The following GPR85 variants were observed in gnomAD, a reference collection of about 807,000 sequenced individuals.
The protein encoded by GPR85 is G protein-coupled receptor 85.
Under a neutral mutation model 21.3 loss-of-function variants are expected in GPR85, and 7 were observed. The ratio of observed to expected loss-of-function variants is 0.33; its 90% confidence interval spans 0.19 to 0.62. GPR85 has a LOEUF of 0.62. GPR85 is among the 20% of genes least tolerant of loss of function. The probability of loss-of-function intolerance (pLI) is 0.80; values close to 1 mark genes in which losing one functional copy is unlikely to be tolerated. For synonymous variants in GPR85, 167 were observed against 166.1 expected (o/e 1.01, Z -0.04); for missense variants, 299 against 443.8 (o/e 0.67, Z 2.93).
upstream of GPR85, chr7:113,087,296 C>A (rs1314608010): frequency 6.5e-6 from 1 of 153,764 alleles, no homozygotes; most frequent in African/African-American, 2.4e-5. Flanking sequence ...CCCCACCAAG[C>A]AACAGTATTC....
At chr7:113,086,167 T>TATACACAC (rs879023365) in intron 1 of GPR85, 58 bp from the exon 2 acceptor site, 1 of 125,734 alleles carries the variant, frequency 8.0e-6, no homozygotes, top group African/African-American at 3.1e-5. Context: ...ACAAAACACA[T>TATACACAC]ACACACACAC....
chr7:113,085,714 A>G (rs1036684094), intron 2 of GPR85, among the ~76,000 whole-genome samples: 2 of 152,176 alleles, frequency 1.3e-5, no homozygotes, highest in African/African-American at 2.4e-5. Context: ...AACAAAATGC[A>G]CATTGTCTCG....
rs944092014 is a variant in GPR85, at chr7:113,086,758, T to TG, written c.-726dup. ...AACTTTTCCCTCCCCGCATTTGTAG[T>TG]GGGGGGCTGGAAAGGCCCTTTCAGG... On this transcript the variant is annotated 5_prime_UTR_variant, in exon 1 of 3. Coordinates refer to ENST00000424100, the MANE Select transcript of GPR85 (RefSeq NM_001146267.2). Among the ~76,000 whole-genome samples the TG allele has an allele frequency of 6.6e-6, 1 of 152,118 alleles. No homozygotes were observed. Among genetic ancestry groups the TG allele is most frequent in the Admixed American group, 6.5e-5 (1 of 15,272 alleles).
upstream of GPR85, among the ~76,000 whole-genome samples, chr7:113,087,092 G>A (rs1794326767): frequency 6.6e-6 from 1 of 152,122 alleles, no homozygotes; most frequent in South Asian, 2.1e-4. Flanking sequence ...TGGGGAAGAA[G>A]GGAAGGCACG....
Position 113,083,992 on chromosome 7 carries a change from G to A in GPR85, c.730C>T (p.Leu244=). The change falls in exon 3 of 3, where the codon CTA becomes TTA. Residue 244 remains leucine (L), a synonymous_variant. Coordinates refer to ENST00000424100, the MANE Select transcript of GPR85 (RefSeq NM_001146267.2). This position sits in a 1 kb window ranked among gnomAD's most constrained non-coding sequence, Gnocchi z 4.4. ...GTGGGACCCCTTCCAAATCCTGCTA[G>A]CCAATTGGCAGCTGCCTGGCCACTG... The part of the protein sequence containing the change: ...GASGQAAANW[L]AGFGRGPTPP... 1.2e-6 allele frequency: 2 copies of A among 1,614,168 alleles called. No homozygotes were observed. The highest frequency in any genetic ancestry group is 1.3e-5 in the African/African-American group (1 of 75,028).
At chr7:113,087,066 T>C (rs1584560857), upstream of GPR85, among the ~76,000 whole-genome samples, 1 of 152,150 alleles carries the variant, frequency 6.6e-6, no homozygotes, top group East Asian at 1.9e-4. Context: ...TTTCCCACAG[T>C]TAAAAATCTT....
At position 113,084,824 on chromosome 7, in the gene GPR85, CAA is replaced by C; in HGVS notation, c.-105_-104del. 1 of 759,460 alleles carries C rather than the reference CAA, an allele frequency of 1.3e-6. No homozygotes were observed. The highest frequency in any genetic ancestry group is 2.1e-6 in the Non-Finnish European group (1 of 484,176). The allele number at this position is 759,460 out of a possible 1,614,324, so 47.0% of individuals were successfully genotyped here. A position where few individuals can be genotyped will look rare whatever the true frequency, so the allele number is the denominator to read the frequency against. On this transcript the variant is annotated 5_prime_UTR_variant, in exon 3 of 3. The change abolishes the stop of an existing upstream ORF in the 5' untranslated region. Transcript: ENST00000424100. ...TACATTTTACTGAAAATATAATCCA[CAA>C]AGAGAACTGATCTGATCTGCAGTCA...
chr7:113,085,457 A>T (rs1028482335), intron 2 of GPR85, among the ~76,000 whole-genome samples: 2 of 152,176 alleles, frequency 1.3e-5, no homozygotes, highest in Non-Finnish European at 2.9e-5. Flanking sequence ...TGATTTAATC[A>T]TTTGTCTTTC....
At chr7:113,087,159 C>A (rs1395197664), upstream of GPR85, among the ~76,000 whole-genome samples, 1 of 152,092 alleles carries the variant, frequency 6.6e-6, no homozygotes, top group African/African-American at 2.4e-5. Flanking sequence ...CGCAAATATG[C>A]GTAAAAGTAG....
At position 113,086,407 on chromosome 7, in the gene GPR85, T is replaced by TTTTTTTTTC. The variant is rs1794291791; in HGVS notation, c.-375_-374insGAAAAAAAA. The TTTTTTTTTC allele has an allele frequency of 1.0e-5, 1 of 97,024 alleles. No homozygotes were observed. The highest frequency in any genetic ancestry group is 2.0e-5 in the Non-Finnish European group (1 of 49,352). 6.0% of individuals were successfully genotyped at this position (97,024 alleles called of 1,614,324 possible). ...CTTTTTTTCTTTTTCTTTTTTTTTTTTTTTTTTTTGTTTTTTGTTTTTTTT... is the reference window on the plus strand; with the variant it reads ...CTTTTTTTCTTTTTCTTTTTTTTTTTTTTTTTTTCTTTTTTTTTGTTTTTTGTTTTTTTT... On this transcript the variant is annotated 5_prime_UTR_variant, in exon 1 of 3. Coordinates refer to ENST00000424100, the MANE Select transcript of GPR85 (RefSeq NM_001146267.2).
chr7:113,084,418 C>T lies in GPR85; in HGVS notation c.304G>A (p.Val102Ile), dbSNP rs1349337534. Residue 102 changes from valine (V) to isoleucine (I), a missense_variant, in exon 3 of 3, where the codon GTT becomes ATT. Coordinates refer to ENST00000424100, the MANE Select transcript of GPR85 (RefSeq NM_001146267.2). Reference protein sequence around the residue: ...LTCKVIAFLGVLSCFHTAFML... With the variant: ...LTCKVIAFLGILSCFHTAFML... The stretch of plus-strand genomic sequence containing the variant: ...AAAGCAGTGTGGAAACAGGACAAAA[C>T]CCCCAGAAAGGCAATCACTTTGCAA... The T allele has an allele frequency of 1.2e-6, 2 of 1,613,812 alleles. No individual in the cohort carries two copies. The highest frequency in any genetic ancestry group is 2.2e-5 in the South Asian group (2 of 91,072).
In GPR85 at chr7:113,084,611, G is replaced by A. The variant is rs1456970926; in HGVS notation, c.111C>T (p.Gly37=). ...LGFIIGVSVV[G]NLLISILLVK... ...CTAGCAAAATGGAGATCAGGAGGTT[G>A]CCCACCACGCTGACTCCTATTATGA... The change falls in exon 3 of 3, where the codon GGC becomes GGT. Residue 37 remains glycine, a synonymous_variant. Transcript: ENST00000424100. 1.2e-6 allele frequency: 2 copies of A among 1,613,588 alleles called. No individual in the cohort carries two copies. The highest frequency in any genetic ancestry group is 1.7e-5 in the Admixed American group (1 of 60,034).
rs1794288724 is a variant in GPR85 at position 113,086,401 on chromosome 7, T to TTTTTTTTTTTTTTTG, written c.-369_-368insCAAAAAAAAAAAAAA. 1.1e-5 allele frequency: 1 copy of TTTTTTTTTTTTTTTG among 90,044 alleles called. No homozygotes were observed. Among genetic ancestry groups the TTTTTTTTTTTTTTTG allele is most frequent in the African/African-American group, 4.9e-5 (1 of 20,556 alleles). The allele number at this position is 90,044 out of a possible 1,614,324, so 5.6% of individuals were successfully genotyped here. The stretch of plus-strand genomic sequence containing the variant: ...TTTTTTCTTTTTTTCTTTTTCTTTT[T>TTTTTTTTTTTTTTTG]TTTTTTTTTTTTTTTGTTTTTTGTT... On this transcript the variant is annotated 5_prime_UTR_variant, in exon 1 of 3. Coordinates refer to ENST00000424100, the MANE Select transcript of GPR85 (RefSeq NM_001146267.2).
Position 113,084,455 on chromosome 7 carries a change from A to G in GPR85, c.267T>C (p.Tyr89=), listed in dbSNP as rs138640335. 35 of 1,614,022 alleles carry G rather than the reference A, an allele frequency of 2.2e-5. No homozygotes were observed. Among genetic ancestry groups the G allele is most frequent in the Admixed American group, 1.3e-4 (8 of 60,006 alleles). Residue 89 remains tyrosine (Y), a synonymous_variant, in exon 3 of 3, where the codon TAT becomes TAC. Coordinates refer to ENST00000424100, the MANE Select transcript of GPR85 (RefSeq NM_001146267.2). ...CAATCACTTTGCAAGTCAGAGTCCC[A>G]TAAGTCCAGGTAGAACCATTTTTGA... ...NSVKNGSTWT[Y]GTLTCKVIAF...
chr7:113,086,678 C>T lies in GPR85; in HGVS notation c.-645G>A, dbSNP rs1794314838. 6.6e-6 allele frequency among the ~76,000 whole-genome samples: 1 copy of T among 151,746 alleles called. No individual in the cohort carries two copies. The highest frequency in any genetic ancestry group is 6.6e-5 in the Admixed American group (1 of 15,234). ...CAGAGCTGGCTGGGTTTATTGACTG[C>T]CCTGTCCAATCCAACTGGCAGCATT... is the stretch of plus-strand genomic sequence containing the variant. On this transcript the variant is annotated 5_prime_UTR_variant, in exon 1 of 3. Transcript: ENST00000424100.
rs1794297322 is a variant in GPR85, at chr7:113,086,419, T to TTTTTTTTTTTTTTTTTTTTTTTTTTCTTA, written c.-387_-386insTAAGAAAAAAAAAAAAAAAAAAAAAAAAA. The TTTTTTTTTTTTTTTTTTTTTTTTTTCTTA allele has an allele frequency of 1.1e-5, 1 of 87,136 alleles. No homozygotes were observed. Among genetic ancestry groups the TTTTTTTTTTTTTTTTTTTTTTTTTTCTTA allele is most frequent in the Non-Finnish European group, 2.3e-5 (1 of 42,708 alleles). 5.4% of individuals were successfully genotyped at this position (87,136 alleles called of 1,614,324 possible). A position where few individuals can be genotyped will look rare whatever the true frequency, so the allele number is the denominator to read the frequency against. The stretch of plus-strand genomic sequence containing the variant: ...TTCTTTTTTTTTTTTTTTTTTTTGT[T>TTTTTTTTTTTTTTTTTTTTTTTTTTCTTA]TTTTGTTTTTTTTTTTTTTTTTTTT... On this transcript the variant is annotated 5_prime_UTR_variant, in exon 1 of 3. An upstream open reading frame in the 5' UTR gains an earlier in-frame stop. Transcript: ENST00000424100.
rs1794283693 is a variant in GPR85 at position 113,086,396 on chromosome 7, C to CTTTTTTTTTTTTTTTTTTCTTTTTT, written c.-364_-363insAAAAAAGAAAAAAAAAAAAAAAAAA. The CTTTTTTTTTTTTTTTTTTCTTTTTT allele has an allele frequency of 6.2e-5, 3 of 48,066 alleles. No individual in the cohort carries two copies. The highest frequency in any genetic ancestry group is 1.1e-4 in the Non-Finnish European group (3 of 28,132). 3.0% of individuals were successfully genotyped at this position (48,066 alleles called of 1,614,324 possible). A position where few individuals can be genotyped will look rare whatever the true frequency, so the allele number is the denominator to read the frequency against. ...CTGATTTTTTTCTTTTTTTCTTTTT[C>CTTTTTTTTTTTTTTTTTTCTTTTTT]TTTTTTTTTTTTTTTTTTTTGTTTT... On this transcript the variant is annotated 5_prime_UTR_variant, in exon 1 of 3. The change abolishes the stop of an existing upstream ORF in the 5' untranslated region. Transcript: ENST00000424100.
Position 113,083,197 on chromosome 7 carries a change from A to G in GPR85, c.*412T>C, listed in dbSNP as rs1246289583. ...AGTATGAAATGTTTTAAAGTCTTCA[A>G]ACTTCTAAAATTAGTTTTTATCAAC... is the stretch of plus-strand genomic sequence containing the variant. On this transcript the variant is annotated 3_prime_UTR_variant, in exon 3 of 3. Coordinates refer to ENST00000424100, the MANE Select transcript of GPR85 (RefSeq NM_001146267.2). The surrounding 1 kb of genome is among the most constrained non-coding windows in gnomAD (Gnocchi z 4.4). 6.3e-6 allele frequency: 1 copy of G among 157,562 alleles called. No homozygotes were observed. Among genetic ancestry groups the G allele is most frequent in the Non-Finnish European group, 1.4e-5 (1 of 71,596 alleles). 9.8% of individuals were successfully genotyped at this position (157,562 alleles called of 1,614,324 possible). A position where few individuals can be genotyped will look rare whatever the true frequency, so the allele number is the denominator to read the frequency against.
chr7:113,084,905 A>C lies in GPR85; in HGVS notation c.-170-14T>G, dbSNP rs1462113850. 8 of 538,514 alleles carry C rather than the reference A, an allele frequency of 1.5e-5. No individual in the cohort carries two copies. Among genetic ancestry groups the C allele is most frequent in the African/African-American group, 3.9e-5 (2 of 51,546 alleles). 33.4% of individuals were successfully genotyped at this position (538,514 alleles called of 1,614,324 possible). Reference sequence around the variant, plus strand: ...CCATCAGAATATCTGAAAAAAAAAAAAAAAAAAACCTATCAGTTCTTAAGT... The same window carrying C: ...CCATCAGAATATCTGAAAAAAAAAACAAAAAAAACCTATCAGTTCTTAAGT... On this transcript the variant is annotated splice_polypyrimidine_tract_variant and intron_variant, in intron 2 of 2. Coordinates refer to ENST00000424100, the MANE Select transcript of GPR85 (RefSeq NM_001146267.2).
Sources: allele counts gnomAD v4.1 joint callset (sites outside exome capture counted in the v4.1 genomes callset), GRCh38; gene constraint gnomAD v4.1.1; non-coding constraint Gnocchi (gnomAD v3.1); transcripts MANE v1.5; gene names NCBI Gene and HGNC (gene_info 2026-07-23, HGNC 2026-07-21).